The following PRKD1 variants were observed in gnomAD, a reference collection of about 807,000 sequenced individuals.
PRKD1 encodes serine/threonine-protein kinase D1.
In PRKD1, 63 loss-of-function variants were observed where a neutral mutation model predicts 95.9. The observed-to-expected ratio is 0.66, with a 90% CI of 0.54 to 0.81. PRKD1 has a LOEUF of 0.81. Ranked by LOEUF, PRKD1 falls within the 30% of genes least tolerant of loss-of-function variation. PRKD1 has a pLI of 0.00. For synonymous variants in PRKD1, 425 were observed against 423.1 expected (o/e 1.00, Z -0.05); for missense variants, 1,048 against 1,165.3 (o/e 0.90, Z 1.47).
At chr14:29,700,974 ATGCGCGCGCGCG>A (rs1338113495) in intron 2 of PRKD1, among the ~76,000 whole-genome samples, 1 of 39,342 alleles carries the variant, frequency 2.5e-5, no homozygotes, top group East Asian at 6.0e-4. Flanking sequence ...ACGCGTGCGC[ATGCGCGCGCGCG>A]CGCACACACA....
chr14:29,681,239 T>C (rs1011472003), intron 2 of PRKD1, among the ~76,000 whole-genome samples: 2 of 152,222 alleles, frequency 1.3e-5, no homozygotes, highest in African/African-American at 4.8e-5. Context: ...CTTAGCTCTG[T>C]CGAGTTCTAT....
chr14:29,619,641 A>G (rs1879110587), intron 13 of PRKD1, among the ~76,000 whole-genome samples: 1 of 152,180 alleles, frequency 6.6e-6, no homozygotes. Context: ...AAAACAGATC[A>G]GGGTAAGAGA....
At chr14:29,892,163 ATAT>A (rs1893959410) in intron 1 of PRKD1, among the ~76,000 whole-genome samples, 1 of 152,192 alleles carries the variant, frequency 6.6e-6, no homozygotes, top group Non-Finnish European at 1.5e-5. Context: ...GTTCTTCAAC[ATAT>A]TAATTTCCTT....
intron 16 of PRKD1, among the ~76,000 whole-genome samples, chr14:29,587,633 T>C (rs1474199402): frequency 6.6e-6 from 1 of 152,232 alleles, no homozygotes; most frequent in Non-Finnish European, 1.5e-5. Flanking sequence ...AACTGTATTT[T>C]GCTTGCTATC....
At chr14:29,738,143 T>G (rs2139427465) in intron 1 of PRKD1, among the ~76,000 whole-genome samples, 1 of 152,266 alleles carries the variant, frequency 6.6e-6, no homozygotes, top group African/African-American at 2.4e-5. Flanking sequence ...TTTCTGAAAT[T>G]TCTTCAAGTT....
intron 2 of PRKD1, among the ~76,000 whole-genome samples, chr14:29,701,934 C>T (rs7142313): frequency 0.44 from 66,829 of 151,856 alleles, 15,308 homozygotes; most frequent in African/African-American, 0.56. Context: ...ATTGGGATAC[C>T]GAAGATATTC....
chr14:29,875,651 A>C (rs952734412), intron 1 of PRKD1, among the ~76,000 whole-genome samples: 3 of 152,246 alleles, frequency 2.0e-5, no homozygotes, highest in Non-Finnish European at 4.4e-5. Context: ...ACAACAATTT[A>C]GGTTTATTTT....
intron 7 of PRKD1, 147 bp from the exon 8 acceptor site, chr14:29,634,688 G>T: frequency 9.0e-7 from 1 of 1,113,674 alleles, no homozygotes; most frequent in Non-Finnish European, 1.3e-6. Flanking sequence ...CAGGCACCAT[G>T]GTTCTGAAAG....
intron 1 of PRKD1, among the ~76,000 whole-genome samples, chr14:29,810,514 C>G (rs1218246765): frequency 6.6e-6 from 1 of 152,174 alleles, no homozygotes; most frequent in East Asian, 1.9e-4. Context: ...CAGCATGCTC[C>G]TTTTTATAAG....
At chr14:29,711,302 G>T (rs1255302136) in intron 2 of PRKD1, among the ~76,000 whole-genome samples, 1 of 152,008 alleles carries the variant, frequency 6.6e-6, no homozygotes, top group Non-Finnish European at 1.5e-5. Context: ...TAAAGGAAGG[G>T]AATAATATTT....
chr14:29,777,840 C>T (rs1360725385), intron 1 of PRKD1, among the ~76,000 whole-genome samples: 1 of 152,182 alleles, frequency 6.6e-6, no homozygotes, highest in Non-Finnish European at 1.5e-5. Context: ...ACAGAATATA[C>T]ATTCTTCTCA....
intron 1 of PRKD1, among the ~76,000 whole-genome samples, chr14:29,896,460 G>A (rs529992751): frequency 1.3e-3 from 195 of 152,176 alleles, no homozygotes; most frequent in African/African-American, 4.5e-3. Context: ...GGTGATAGGA[G>A]AGGAAATGGA....
chr14:29,919,028 C>G (rs1210673288), intron 1 of PRKD1, among the ~76,000 whole-genome samples: 1 of 152,168 alleles, frequency 6.6e-6, no homozygotes, highest in East Asian at 1.9e-4. Context: ...GAGAAGCATT[C>G]AGAAATTCCT....
At chr14:29,626,186 T>C (rs541834502) in intron 12 of PRKD1, among the ~76,000 whole-genome samples, 26 of 152,326 alleles carry the variant, frequency 1.7e-4, no homozygotes, top group Admixed American at 1.5e-3. Context: ...TTCCTTGTTT[T>C]CTCAATATTT....
At chr14:29,734,028 C>CTTTTTTTTTTTTTTTTTTTTTTTTTTTTT (rs58908662) in intron 1 of PRKD1, among the ~76,000 whole-genome samples, 1 of 64,640 alleles carries the variant, frequency 1.5e-5, no homozygotes, top group African/African-American at 7.9e-5. Context: ...ACTTTCCTGC[C>CTTTTTTTTTTTTTTTTTTTTTTTTTTTTT]TTTTTTTTTT....
At chr14:29,861,901 C>G (rs752953854) in intron 1 of PRKD1, among the ~76,000 whole-genome samples, 52 of 152,160 alleles carry the variant, frequency 3.4e-4, no homozygotes, top group Non-Finnish European at 3.7e-4. Flanking sequence ...ATCCACCCAC[C>G]TTGGCCTCCC....
intron 1 of PRKD1, among the ~76,000 whole-genome samples, chr14:29,864,396 C>T (rs1892814003): frequency 6.6e-6 from 1 of 152,132 alleles, no homozygotes; most frequent in African/African-American, 2.4e-5. Context: ...AGACTCCAAC[C>T]TTAAACAGAA....
chr14:29,671,819 A>G (rs548223506), intron 2 of PRKD1, among the ~76,000 whole-genome samples: 128 of 152,236 alleles, frequency 8.4e-4, no homozygotes, highest in Admixed American at 1.4e-3. Context: ...TAAGAAGAAC[A>G]GAACATATTC....
At chr14:29,918,188 A>T (rs8014690) in intron 1 of PRKD1, among the ~76,000 whole-genome samples, 4,853 of 152,202 alleles carry the variant, frequency 0.032, 95 homozygotes, top group East Asian at 0.11. Flanking sequence ...TGCACAATGT[A>T]TACATGTACC....
Sources: allele counts gnomAD v4.1 joint callset (sites outside exome capture counted in the v4.1 genomes callset), GRCh38; gene constraint gnomAD v4.1.1; transcripts MANE v1.5; gene names NCBI Gene and HGNC (gene_info 2026-07-23, HGNC 2026-07-21).